The following ZMAT4 variants were observed in gnomAD, a reference collection of about 807,000 sequenced individuals.
ZMAT4 encodes zinc finger matrin-type 4, also known as zinc finger matrin-type protein 4.
Under a neutral mutation model 28.7 loss-of-function variants are expected in ZMAT4, and 17 were observed. The observed-to-expected ratio is 0.59, with a 90% CI of 0.41 to 0.89. The LOEUF (loss-of-function observed/expected upper bound fraction) is 0.89. Among genes scored for constraint, ZMAT4 ranks in the 40% least tolerant of loss-of-function variants. The pLI is 0.00. For synonymous variants in ZMAT4, 117 were observed against 109.2 expected (o/e 1.07, Z -0.44); for missense variants, 240 against 283.8 (o/e 0.85, Z 1.11).
intron 5 of ZMAT4, among the ~76,000 whole-genome samples, chr8:40,639,466 G>A (rs1341954213): frequency 6.6e-6 from 1 of 151,938 alleles, no homozygotes; most frequent in Non-Finnish European, 1.5e-5. Context: ...TACGACTCTT[G>A]GCCATGAAGG....
intron 6 of ZMAT4, among the ~76,000 whole-genome samples, chr8:40,567,067 A>G (rs1042362030): frequency 6.6e-6 from 1 of 152,186 alleles, no homozygotes; most frequent in African/African-American, 2.4e-5. Context: ...TGTCTTTAGA[A>G]GGAAAGGCAC....
intron 2 of ZMAT4, among the ~76,000 whole-genome samples, chr8:40,801,493 C>A (rs1814846758): frequency 6.6e-6 from 1 of 151,168 alleles, no homozygotes; most frequent in South Asian, 2.1e-4. Context: ...CATGCTGAAA[C>A]CCTGTCTCTA....
At chr8:40,764,102 G>C (rs112993086) in intron 3 of ZMAT4, among the ~76,000 whole-genome samples, 36 of 152,244 alleles carry the variant, frequency 2.4e-4, no homozygotes, top group African/African-American at 7.9e-4. Flanking sequence ...TAATAAAAGG[G>C]TGAAAAACGG....
intron 4 of ZMAT4, among the ~76,000 whole-genome samples, chr8:40,676,458 A>C (rs1327958540): frequency 6.6e-6 from 1 of 152,192 alleles, no homozygotes; most frequent in Admixed American, 6.6e-5. Context: ...TGTAGGATGC[A>C]GCTGGCAAAA....
At chr8:40,690,911 C>G in intron 4 of ZMAT4, 1 of 985,154 alleles carries the variant, frequency 1.0e-6, no homozygotes, top group Non-Finnish European at 1.2e-6. Context: ...GAGATCATTG[C>G]TTATCCGTTG....
intron 3 of ZMAT4, among the ~76,000 whole-genome samples, chr8:40,706,312 C>A (rs1409512520): frequency 6.6e-6 from 1 of 152,126 alleles, no homozygotes; most frequent in East Asian, 1.9e-4. Flanking sequence ...CCTCAGCCTC[C>A]CAAAGTGCTG....
intron 6 of ZMAT4, among the ~76,000 whole-genome samples, chr8:40,570,727 A>AAAACAAAC (rs56953458): frequency 0.97 from 147,210 of 150,998 alleles, 71,853 homozygotes; most frequent in Non-Finnish European, 1. Flanking sequence ...ACAACGACAG[A>AAAACAAAC]AAACAAACAA....
At chr8:40,889,391 A>G (rs1818584109) in intron 1 of ZMAT4, among the ~76,000 whole-genome samples, 1 of 152,204 alleles carries the variant, frequency 6.6e-6, no homozygotes, top group African/African-American at 2.4e-5. Flanking sequence ...GCTTTGCTAC[A>G]TGGATAGTCA....
chr8:40,644,338 A>G (rs1807200836), intron 5 of ZMAT4, among the ~76,000 whole-genome samples: 1 of 152,126 alleles, frequency 6.6e-6, no homozygotes, highest in Non-Finnish European at 1.5e-5. Flanking sequence ...GAGGCAGGAA[A>G]TTTACAAAAT....
chr8:40,834,275 G>A (rs1430868303), intron 1 of ZMAT4, among the ~76,000 whole-genome samples: 1 of 151,976 alleles, frequency 6.6e-6, no homozygotes, highest in Non-Finnish European at 1.5e-5. Context: ...AACCTCCAAG[G>A]GCAGGCACAT....
chr8:40,857,072 C>A (rs921834155), intron 1 of ZMAT4, among the ~76,000 whole-genome samples: 1 of 152,148 alleles, frequency 6.6e-6, no homozygotes, highest in African/African-American at 2.4e-5. Context: ...GATCAGGAAG[C>A]TACCTGGGCA....
intron 2 of ZMAT4, among the ~76,000 whole-genome samples, chr8:40,805,166 C>A (rs1428454121): frequency 6.6e-6 from 1 of 152,018 alleles, no homozygotes; most frequent in Non-Finnish European, 1.5e-5. Context: ...GACATTTATG[C>A]AGCCAAAAAA....
intron 6 of ZMAT4, among the ~76,000 whole-genome samples, chr8:40,580,156 G>T (rs1478437262): frequency 6.6e-6 from 1 of 151,868 alleles, no homozygotes; most frequent in East Asian, 1.9e-4. Flanking sequence ...AGGACTACAG[G>T]CACGTGCCAC....
intron 2 of ZMAT4, among the ~76,000 whole-genome samples, chr8:40,799,066 G>A (rs924018420): frequency 6.9e-6 from 1 of 145,510 alleles, no homozygotes; most frequent in African/African-American, 2.7e-5. Flanking sequence ...TGGCTGGTTG[G>A]CTGGCTGGCT....
intron 5 of ZMAT4, among the ~76,000 whole-genome samples, chr8:40,608,190 T>C (rs189854306): frequency 1.3e-5 from 2 of 152,152 alleles, no homozygotes; most frequent in African/African-American, 4.8e-5. Flanking sequence ...AGAAAGACCA[T>C]CAGATGGGGG....
chr8:40,635,730 A>G (rs1806766723), intron 5 of ZMAT4, among the ~76,000 whole-genome samples: 3 of 152,146 alleles, frequency 2.0e-5, no homozygotes, highest in Non-Finnish European at 4.4e-5. Context: ...ATTACTCTAC[A>G]TCCGCAATGA....
chr8:40,804,744 G>A (rs1815001725), intron 2 of ZMAT4, among the ~76,000 whole-genome samples: 1 of 151,958 alleles, frequency 6.6e-6, no homozygotes, highest in Non-Finnish European at 1.5e-5. Context: ...GGGAGGCTGA[G>A]GCAGGAAAAT....
intron 2 of ZMAT4, among the ~76,000 whole-genome samples, chr8:40,776,886 G>A (rs1813618264): frequency 6.6e-6 from 1 of 151,808 alleles, no homozygotes; most frequent in Admixed American, 6.6e-5. Flanking sequence ...CCCACTACTG[G>A]CAAGAGCAAG....
At chr8:40,565,510 G>T (rs1835309) in intron 6 of ZMAT4, among the ~76,000 whole-genome samples, 13,623 of 151,196 alleles carry the variant, frequency 0.09, 1,196 homozygotes, top group East Asian at 0.51. Flanking sequence ...ATGAGTAACT[G>T]GGGTTACAGA....
Sources: allele counts gnomAD v4.1 joint callset (sites outside exome capture counted in the v4.1 genomes callset), GRCh38; gene constraint gnomAD v4.1.1; transcripts MANE v1.5; gene names NCBI Gene and HGNC (gene_info 2026-07-23, HGNC 2026-07-21).